The following LMBRD1 variants were observed in gnomAD, a reference collection of about 807,000 sequenced individuals.
LMBRD1 encodes the protein LMBR1 domain containing 1.
LMBRD1 carries 64 observed loss-of-function variants against 74.8 expected under a neutral mutation model. That is an observed-to-expected ratio of 0.86 (90% CI 0.70 to 1.05). The LOEUF (loss-of-function observed/expected upper bound fraction) is 1.05, where lower values mean the gene tolerates loss of function less well. Ranked by LOEUF, LMBRD1 falls within the 50% of genes least tolerant of loss-of-function variation. The probability of loss-of-function intolerance (pLI) is 0.00; values close to 1 mark genes in which losing one functional copy is unlikely to be tolerated. For missense variants in LMBRD1, 652 were observed against 645.9 expected (o/e 1.01, Z -0.10); for synonymous variants, 204 against 216.3 (o/e 0.94, Z 0.50).
At chr6:69,679,051 A>AC (rs1562079977) in intron 14 of LMBRD1, among the ~76,000 whole-genome samples, 2 of 138,996 alleles carry the variant, frequency 1.4e-5, no homozygotes, top group Non-Finnish European at 3.2e-5. Flanking sequence ...AACAAAAAAA[A>AC]AAAAACAAAA....
intron 9 of LMBRD1, among the ~76,000 whole-genome samples, chr6:69,706,338 TCC>T (rs916339334): frequency 6.6e-6 from 1 of 152,182 alleles, no homozygotes; most frequent in African/African-American, 2.4e-5. Flanking sequence ...GTAATTTATT[TCC>T]CCTTTCTTTT....
chr6:69,719,210 TGGTATATGG>T, intron 7 of LMBRD1, 129 bp from the exon 8 acceptor site: 1 of 791,916 alleles, frequency 1.3e-6, no homozygotes, highest in South Asian at 1.5e-5. Context: ...ACTGAAAACA[TGGTATATGG>T]GAGTGAACAT....
intron 2 of LMBRD1, among the ~76,000 whole-genome samples, chr6:69,782,711 G>A (rs528956941): frequency 1.9e-4 from 29 of 151,864 alleles, no homozygotes; most frequent in Non-Finnish European, 3.5e-4. Context: ...GAGAGAGAGA[G>A]AAAAGACTAG....
chr6:69,793,902 G>A (rs1156365696), intron 1 of LMBRD1, among the ~76,000 whole-genome samples: 1 of 151,726 alleles, frequency 6.6e-6, no homozygotes, highest in Non-Finnish European at 1.5e-5. Context: ...TGTATTTTTA[G>A]TAGGAATGGG....
Position 69,699,102 on chromosome 6 carries a change from T to C in LMBRD1, c.1279A>G (p.Met427Val). The change falls in exon 13 of 16, where the codon ATG (methionine) becomes GTG (valine). Residue 427 changes from methionine (M) to valine (V), a missense_variant. Met to Val is a conservative substitution (Grantham distance 21). This residue lies in a region of LMBRD1 where 598 missense variants were observed against 581.8 expected (regional missense o/e 1.03). Transcript: ENST00000649934. ...LLLIVLHTSYMIYSLAPQYVM... is the reference protein window; with the variant it reads ...LLLIVLHTSYVIYSLAPQYVM... ...TATTGGGGAGCAAGACTATAAATCA[T>C]GTAGCTAGTGTGAAGGACAATAAGC... 1.2e-6 allele frequency: 2 copies of C among 1,609,866 alleles called. No individual in the cohort carries two copies. The highest frequency in any genetic ancestry group is 2.2e-5 in the East Asian group (1 of 44,742).
intron 7 of LMBRD1, among the ~76,000 whole-genome samples, chr6:69,720,921 C>T (rs148036185): frequency 1.1e-3 from 165 of 152,300 alleles, no homozygotes; most frequent in African/African-American, 3.9e-3. Context: ...AGAATCTTTT[C>T]GCTTTCAGGA....
Position 69,796,952 on chromosome 6 carries a change from C to T in LMBRD1, c.-71G>A. On this transcript the variant is annotated 5_prime_UTR_variant, in exon 1 of 16. Transcript: ENST00000649934. ...GGGGAGGGGGAAAGGGGAGAGAGCG[C>T]GAGATATACTGCACCCGCGCACCCT... The T allele has an allele frequency of 7.5e-7, 1 of 1,328,500 alleles. No homozygotes were observed. The highest frequency in any genetic ancestry group is 1.1e-6 in the Non-Finnish European group (1 of 935,876). The allele number at this position is 1,328,500 out of a possible 1,614,324, so 82.3% of individuals were successfully genotyped here.
chr6:69,707,145 T>C (rs951014032), intron 9 of LMBRD1, among the ~76,000 whole-genome samples: 1 of 152,188 alleles, frequency 6.6e-6, no homozygotes, highest in African/African-American at 2.4e-5. Flanking sequence ...TTAAGGCTGC[T>C]TGCATTCCTT....
intron 4 of LMBRD1, among the ~76,000 whole-genome samples, chr6:69,750,708 C>T (rs996577417): frequency 6.6e-6 from 1 of 152,078 alleles, no homozygotes; most frequent in Non-Finnish European, 1.5e-5. Flanking sequence ...ACGCATACAT[C>T]TCGTGGAGAT....
chr6:69,732,070 C>G (rs533085759), intron 7 of LMBRD1, among the ~76,000 whole-genome samples: 2 of 152,180 alleles, frequency 1.3e-5, no homozygotes, highest in Admixed American at 6.5e-5. Flanking sequence ...AGCATATATT[C>G]AGTGAAATAT....
At chr6:69,766,169 C>T (rs1024486308) in intron 3 of LMBRD1, among the ~76,000 whole-genome samples, 26 of 151,498 alleles carry the variant, frequency 1.7e-4, no homozygotes, top group East Asian at 7.7e-4. Context: ...TTTATTTAGA[C>T]TTATCACACT....
At chr6:69,768,162 T>C (rs1226249286) in intron 3 of LMBRD1, among the ~76,000 whole-genome samples, 2 of 151,928 alleles carry the variant, frequency 1.3e-5, no homozygotes, top group African/African-American at 4.8e-5. Flanking sequence ...TGGGGGTATT[T>C]AGACTACTTA....
In LMBRD1 at chr6:69,674,696, C is replaced by T. The variant is rs1056918568; in HGVS notation, c.*1462G>A. 2.0e-5 allele frequency among the ~76,000 whole-genome samples: 3 copies of T among 152,022 alleles called. No homozygotes were observed. In the South Asian group the frequency reaches 6.2e-4, roughly 32 times the overall value. ...CCACAAAGAAAATGTAATATAAGGC[C>T]GAGCGTGGTGGCTTATGCCTGTAAT... On this transcript the variant is annotated 3_prime_UTR_variant, in exon 16 of 16. Transcript: ENST00000649934.
chr6:69,721,908 T>G (rs561228338), intron 7 of LMBRD1, among the ~76,000 whole-genome samples: 1 of 152,174 alleles, frequency 6.6e-6, no homozygotes, highest in Admixed American at 6.5e-5. Flanking sequence ...AAGTGAACAT[T>G]AGCAGTGGCC....
intron 7 of LMBRD1, among the ~76,000 whole-genome samples, chr6:69,727,515 T>C (rs1408761297): frequency 1.3e-5 from 2 of 152,186 alleles, no homozygotes; most frequent in African/African-American, 2.4e-5. Flanking sequence ...ATGTATACTT[T>C]GGTGAAATAT....
At chr6:69,676,388 T>A in intron 15 of LMBRD1, 62 bp downstream of exon 15, 1 of 1,578,150 alleles carries the variant, frequency 6.3e-7, no homozygotes, top group Non-Finnish European at 8.7e-7. Context: ...TAAAAAGAGT[T>A]TACACATTTA....
At chr6:69,782,305 C>T (rs1765852339) in intron 2 of LMBRD1, among the ~76,000 whole-genome samples, 1 of 152,204 alleles carries the variant, frequency 6.6e-6, no homozygotes, top group Non-Finnish European at 1.5e-5. Flanking sequence ...GTACCAAATT[C>T]CATCACTCAT....
At chr6:69,787,951 G>A (rs1335385881) in intron 2 of LMBRD1, among the ~76,000 whole-genome samples, 1 of 151,954 alleles carries the variant, frequency 6.6e-6, no homozygotes, top group Non-Finnish European at 1.5e-5. Flanking sequence ...TGCTTCTTTA[G>A]TGGATTCTTA....
Position 69,701,342 on chromosome 6 carries a change from G to C in LMBRD1, c.1083+101C>G, listed in dbSNP as rs1582063203. 18 of 726,106 alleles carry C rather than the reference G, an allele frequency of 2.5e-5. No individual in the cohort carries two copies. The East Asian group carries it at 4.9e-4, about 20-fold the overall frequency. The allele number at this position is 726,106 out of a possible 1,614,324, so 45.0% of individuals were successfully genotyped here. A position where few individuals can be genotyped will look rare whatever the true frequency, so the allele number is the denominator to read the frequency against. ...ATGTCAAACTATTCATAGGTTTTTA[G>C]CATAATAATTTTATGTGCAACAGGA... On this transcript the variant is annotated intron_variant, in intron 11 of 15. Transcript: ENST00000649934.
Sources: gnomAD v4.1 joint callset for allele counts (sites outside exome capture counted in the v4.1 genomes callset) on GRCh38, gnomAD v4.1.1 for gene constraint, gnomAD v4.1.1 regional missense constraint, MANE v1.5 for transcripts, NCBI Gene and HGNC (gene_info 2026-07-23, HGNC 2026-07-21) for gene names.